Variants in LARGE1 observed in about 807,000 individuals in gnomAD.
LARGE1 encodes xylosyl- and glucuronyltransferase LARGE1.
In LARGE1, 43 loss-of-function variants were observed where a neutral mutation model predicts 87.6. The ratio of observed to expected loss-of-function variants is 0.49; its 90% CI spans 0.38 to 0.63. The LOEUF is 0.63. Among genes scored for constraint, LARGE1 ranks in the 30% least tolerant of loss-of-function variants. The pLI is 0.00. For synonymous variants in LARGE1, 434 were observed against 394.6 expected (o/e 1.10, Z -1.18); for missense variants, 802 against 1,000.2 (o/e 0.80, Z 2.67).
At chr22:33,358,845 A>AAC (rs2064276134) in intron 9 of LARGE1, among the ~76,000 whole-genome samples, 3 of 150,358 alleles carry the variant, frequency 2.0e-5, no homozygotes, top group South Asian at 2.1e-4. Flanking sequence ...ACAACAACAA[A>AAC]AAATTAGCCA....
intron 6 of LARGE1, among the ~76,000 whole-genome samples, chr22:33,457,293 CTT>C (rs759460321): frequency 2.0e-3 from 152 of 74,880 alleles, no homozygotes; most frequent in African/African-American, 7.5e-3. Context: ...ACGCCTGGCT[CTT>C]TTTTTTTTTT....
intron 4 of LARGE1, among the ~76,000 whole-genome samples, chr22:33,624,706 C>T (rs975545778): frequency 1.3e-5 from 2 of 152,122 alleles, no homozygotes; most frequent in African/African-American, 4.8e-5. Context: ...TTGATTTCCA[C>T]CCCTTGACAA....
chr22:33,118,477 G>C, the LARGE1 span, among the ~76,000 whole-genome samples: 6,559 of 145,906 alleles, frequency 0.045, 513 homozygotes, highest in African/African-American at 0.16. Flanking sequence ...GGGTGACAGA[G>C]AGGGACCCTG....
At chr22:33,394,364 A>G (rs998229121) in intron 7 of LARGE1, among the ~76,000 whole-genome samples, 9 of 152,012 alleles carry the variant, frequency 5.9e-5, no homozygotes, top group Non-Finnish European at 1.2e-4. Flanking sequence ...ACACCCAGCT[A>G]ATTTTTTGTA....
intron 11 of LARGE1, among the ~76,000 whole-genome samples, chr22:33,173,423 A>G (rs1922686805): frequency 6.6e-6 from 1 of 152,214 alleles, no homozygotes; most frequent in Non-Finnish European, 1.5e-5. Flanking sequence ...GATCATCGAC[A>G]CTATGAAGAA....
the LARGE1 span, among the ~76,000 whole-genome samples, chr22:33,131,296 TTCTC>T: frequency 1.9e-4 from 29 of 150,556 alleles, no homozygotes; most frequent in Admixed American, 6.6e-4. Flanking sequence ...CCTGAGTCTG[TTCTC>T]TCTCTCTCTC....
chr22:33,495,872 G>A (rs977272595), intron 6 of LARGE1, among the ~76,000 whole-genome samples: 10 of 152,192 alleles, frequency 6.6e-5, no homozygotes, highest in African/African-American at 1.7e-4. Flanking sequence ...AAACTCCTAT[G>A]TTGAAATCTA....
chr22:33,175,709 C>T (rs12373985), intron 11 of LARGE1, among the ~76,000 whole-genome samples: 5,322 of 152,170 alleles, frequency 0.035, 131 homozygotes, highest in Non-Finnish European at 0.05. Flanking sequence ...GAATCAATAT[C>T]GTGAAAATAG....
At chr22:33,826,502 C>A (rs143726420) in intron 1 of LARGE1, among the ~76,000 whole-genome samples, 1 of 152,020 alleles carries the variant, frequency 6.6e-6, no homozygotes, top group Non-Finnish European at 1.5e-5. Context: ...ACCACCGCAC[C>A]CGGCTAATTT....
At chr22:33,720,100 T>G (rs922144511) in intron 2 of LARGE1, among the ~76,000 whole-genome samples, 1 of 152,174 alleles carries the variant, frequency 6.6e-6, no homozygotes, top group Non-Finnish European at 1.5e-5. Flanking sequence ...ATTATTACAT[T>G]GTAATATATA....
intron 7 of LARGE1, among the ~76,000 whole-genome samples, chr22:33,408,008 T>A (rs1035970317): frequency 7.5e-6 from 1 of 133,256 alleles, no homozygotes; most frequent in South Asian, 2.5e-4. Flanking sequence ...TGAGACGGAG[T>A]CTTTTTCTGT....
chr22:33,107,532 G>A, the LARGE1 span, among the ~76,000 whole-genome samples: 2 of 151,350 alleles, frequency 1.3e-5, no homozygotes, highest in Non-Finnish European at 2.9e-5. Context: ...TCCAGCCTGG[G>A]TTACAGAGCG....
At chr22:33,098,514 G>C in the LARGE1 span, among the ~76,000 whole-genome samples, 1 of 152,050 alleles carries the variant, frequency 6.6e-6, no homozygotes, top group African/African-American at 2.4e-5. Flanking sequence ...CCAGCTACTC[G>C]GGAGGCTGAG....
intron 2 of LARGE1, among the ~76,000 whole-genome samples, chr22:33,690,290 C>T (rs1243505544): frequency 6.6e-6 from 1 of 152,206 alleles, no homozygotes; most frequent in Non-Finnish European, 1.5e-5. Flanking sequence ...GTTCTTAGAC[C>T]TCAGTTTCCT....
chr22:33,384,069 T>C (rs1043522906), intron 8 of LARGE1, 123 bp downstream of exon 8: 1 of 791,944 alleles, frequency 1.3e-6, no homozygotes, highest in African/African-American at 1.7e-5. Context: ...GGCAGCTGTA[T>C]CAGAGCACAC....
chr22:33,686,652 G>A (rs1282581529), intron 2 of LARGE1, among the ~76,000 whole-genome samples: 1 of 151,866 alleles, frequency 6.6e-6, no homozygotes, highest in African/African-American at 2.4e-5. Context: ...TGTCCATTTG[G>A]CCTATCATGG....
intron 1 of LARGE1, among the ~76,000 whole-genome samples, chr22:33,790,016 G>A (rs971601827): frequency 2.0e-5 from 3 of 152,164 alleles, no homozygotes; most frequent in African/African-American, 7.2e-5. Flanking sequence ...AGGGGCTGAG[G>A]GCAGAATGAT....
chr22:33,594,132 G>C lies in LARGE1; in HGVS notation c.615+10303C>G, dbSNP rs140135863. On this transcript the variant is annotated intron_variant, in intron 5 of 14. Coordinates refer to ENST00000397394, the MANE Select transcript of LARGE1 (RefSeq NM_133642.5). ...TCCTTGCAATTCAAATAATTTTCTA[G>C]GGTGTACACTAATGTGGGCAACTTA... Among the ~76,000 whole-genome samples, 566 of 152,284 alleles carry C rather than the reference G, an allele frequency of 3.7e-3. 2 individuals carry two copies. Among genetic ancestry groups the C allele is most frequent in the African/African-American group, 0.013 (535 of 41,552 alleles).
At chr22:33,176,019 T>A (rs918995809) in intron 11 of LARGE1, among the ~76,000 whole-genome samples, 1 of 152,168 alleles carries the variant, frequency 6.6e-6, no homozygotes, top group Non-Finnish European at 1.5e-5. Context: ...AACCATCTGA[T>A]CTTTGACCAA....
Sources: allele counts gnomAD v4.1 joint callset (sites outside exome capture counted in the v4.1 genomes callset), GRCh38; gene constraint gnomAD v4.1.1; transcripts MANE v1.5; gene names NCBI Gene and HGNC (gene_info 2026-07-23, HGNC 2026-07-21).